Variants in LINGO2 observed in about 807,000 individuals in gnomAD.
The protein encoded by LINGO2 is leucine rich repeat and Ig domain containing 2, also known as leucine-rich repeat and immunoglobulin-like domain-containing nogo receptor-interacting protein 2.
LINGO2 carries 14 observed loss-of-function variants against 30.6 expected under a neutral mutation model. That is an observed-to-expected ratio of 0.46 (90% CI 0.30 to 0.72). The LOEUF is 0.72. LINGO2 is among the 30% of genes least tolerant of loss of function. The pLI is 0.07. For synonymous variants in LINGO2, 317 were observed against 288.5 expected (o/e 1.10, Z -1.00); for missense variants, 729 against 751.7 (o/e 0.97, Z 0.35).
At chr9:29,148,877 C>A in the LINGO2 span, among the ~76,000 whole-genome samples, 1 of 152,120 alleles carries the variant, frequency 6.6e-6, no homozygotes, top group Admixed American at 6.5e-5. Flanking sequence ...TAAAACAATA[C>A]ATAAAGCTAT....
At chr9:28,004,605 T>C (rs1024661960) in intron 5 of LINGO2, among the ~76,000 whole-genome samples, 1 of 151,376 alleles carries the variant, frequency 6.6e-6, no homozygotes, top group Non-Finnish European at 1.5e-5. Context: ...CAACTAATAG[T>C]TGATAAATAG....
chr9:28,310,860 G>A (rs532870016), intron 3 of LINGO2, among the ~76,000 whole-genome samples: 11 of 152,098 alleles, frequency 7.2e-5, no homozygotes, highest in South Asian at 2.1e-4. Flanking sequence ...CAATCTGATC[G>A]AGAACAAAAC....
intron 5 of LINGO2, among the ~76,000 whole-genome samples, chr9:27,973,435 G>A (rs1820447782): frequency 6.6e-6 from 1 of 152,156 alleles, no homozygotes; most frequent in Non-Finnish European, 1.5e-5. Context: ...TCCAATAGAA[G>A]AGTGTAGAAC....
the LINGO2 span, among the ~76,000 whole-genome samples, chr9:28,743,482 C>T: frequency 1.3e-5 from 2 of 152,032 alleles, no homozygotes; most frequent in South Asian, 4.1e-4. Flanking sequence ...TGGTTTCCAG[C>T]TTCATCCATG....
the LINGO2 span, among the ~76,000 whole-genome samples, chr9:28,985,122 G>C: frequency 6.6e-6 from 1 of 152,048 alleles, no homozygotes; most frequent in African/African-American, 2.4e-5. Flanking sequence ...TGCAGTATTT[G>C]TCTTTCTGTG....
At chr9:28,384,329 C>CTATATATATATATATATATATA (rs3064858) in intron 2 of LINGO2, among the ~76,000 whole-genome samples, 4,754 of 121,006 alleles carry the variant, frequency 0.039, 188 homozygotes, top group Non-Finnish European at 0.053. Flanking sequence ...ATGTTATGCA[C>CTATATATATATATATATATATA]TATATATATA....
intron 4 of LINGO2, among the ~76,000 whole-genome samples, chr9:28,033,134 A>T (rs1321749320): frequency 6.6e-6 from 1 of 152,230 alleles, no homozygotes; most frequent in South Asian, 2.1e-4. Context: ...TTACGTTGTT[A>T]GTTGCGTATG....
intron 4 of LINGO2, among the ~76,000 whole-genome samples, chr9:28,074,581 T>C (rs189569028): frequency 6.6e-6 from 1 of 152,234 alleles, no homozygotes; most frequent in African/African-American, 2.4e-5. Flanking sequence ...AGGAAGTACA[T>C]AGAGACTTAC....
chr9:28,836,318 C>CTA, the LINGO2 span, among the ~76,000 whole-genome samples: 7 of 151,572 alleles, frequency 4.6e-5, no homozygotes, highest in East Asian at 1.9e-4. Flanking sequence ...ATTATCCTAA[C>CTA]TATATATATA....
chr9:28,416,180 C>G (rs1822960156), intron 2 of LINGO2, among the ~76,000 whole-genome samples: 1 of 152,120 alleles, frequency 6.6e-6, no homozygotes. Context: ...TCTGCTTTCT[C>G]TGACCACACA....
intron 3 of LINGO2, among the ~76,000 whole-genome samples, chr9:28,364,051 T>C (rs189699371): frequency 6.6e-6 from 1 of 152,232 alleles, no homozygotes; most frequent in African/African-American, 2.4e-5. Context: ...CTGGTAGTCA[T>C]GTGAGTTACC....
chr9:28,553,292 G>A (rs1342418006), intron 1 of LINGO2, among the ~76,000 whole-genome samples: 1 of 152,068 alleles, frequency 6.6e-6, no homozygotes, highest in Non-Finnish European at 1.5e-5. Context: ...CCAATACAGA[G>A]AAGTGCTTAA....
At chr9:28,168,463 T>G (rs557550942) in intron 4 of LINGO2, among the ~76,000 whole-genome samples, 2 of 152,358 alleles carry the variant, frequency 1.3e-5, no homozygotes, top group East Asian at 3.9e-4. Context: ...TCAAATTTTC[T>G]AAATTTAAGA....
At chr9:28,458,325 A>G (rs1363958160) in intron 2 of LINGO2, among the ~76,000 whole-genome samples, 1 of 152,214 alleles carries the variant, frequency 6.6e-6, no homozygotes, top group South Asian at 2.1e-4. Context: ...TATACGTCCC[A>G]GGACTAACAT....
At chr9:28,590,635 G>C (rs62560665) in intron 1 of LINGO2, among the ~76,000 whole-genome samples, 1 of 151,730 alleles carries the variant, frequency 6.6e-6, no homozygotes, top group Non-Finnish European at 1.5e-5. Flanking sequence ...TCAGAATGGC[G>C]ATCATTAAAA....
chr9:28,137,215 A>ACG (rs1160583510), intron 4 of LINGO2, among the ~76,000 whole-genome samples: 1 of 151,742 alleles, frequency 6.6e-6, no homozygotes, highest in South Asian at 2.1e-4. Flanking sequence ...ACACACACAC[A>ACG]CACACACACA....
intron 4 of LINGO2, among the ~76,000 whole-genome samples, chr9:28,044,565 A>G (rs900611004): frequency 6.6e-6 from 1 of 152,150 alleles, no homozygotes; most frequent in Non-Finnish European, 1.5e-5. Flanking sequence ...AGGCCTTATA[A>G]CAATATTTTT....
At chr9:29,058,056 A>C in the LINGO2 span, among the ~76,000 whole-genome samples, 2 of 152,188 alleles carry the variant, frequency 1.3e-5, no homozygotes, top group African/African-American at 4.8e-5. Flanking sequence ...GTAAACATAC[A>C]ATCAAAATTT....
At chr9:28,281,706 A>G (rs1201109007) in intron 4 of LINGO2, among the ~76,000 whole-genome samples, 2 of 152,122 alleles carry the variant, frequency 1.3e-5, no homozygotes, top group Non-Finnish European at 1.5e-5. Flanking sequence ...AGGTGATATC[A>G]CAAATACACT....
Sources: allele counts gnomAD v4.1 joint callset (sites outside exome capture counted in the v4.1 genomes callset), GRCh38; gene constraint gnomAD v4.1.1; transcripts MANE v1.5; gene names NCBI Gene and HGNC (gene_info 2026-07-23, HGNC 2026-07-21).